Variants in AGO4 observed in about 807,000 individuals in gnomAD.
AGO4 encodes argonaute RISC component 4, also known as protein argonaute-4.
Under a neutral mutation model 104.7 loss-of-function variants are expected in AGO4, and 33 were observed. The ratio of observed to expected loss-of-function variants is 0.32; its 90% CI spans 0.24 to 0.42. AGO4 has a LOEUF of 0.42. Ranked by LOEUF, AGO4 falls within the 10% of genes least tolerant of loss-of-function variation. AGO4 has a pLI of 1.00. For synonymous variants in AGO4, 331 were observed against 364.7 expected (o/e 0.91, Z 1.05); for missense variants, 711 against 1,083.4 (o/e 0.66, Z 4.83).
At chr1:35,817,229 G>A (rs1643739821) in intron 2 of AGO4, among the ~76,000 whole-genome samples, 182 bp downstream of exon 2, 1 of 152,116 alleles carries the variant, frequency 6.6e-6, no homozygotes, top group Non-Finnish European at 1.5e-5. Context: ...CAAAGTGCTG[G>A]ATATATTATT....
chr1:35,841,759 A>G lies in AGO4; in HGVS notation c.2175+9A>G. 6.2e-7 allele frequency: 1 copy of G among 1,611,328 alleles called. No individual in the cohort carries two copies. The highest frequency in any genetic ancestry group is 8.5e-7 in the Non-Finnish European group (1 of 1,178,544). On this transcript the variant is annotated intron_variant, in intron 15 of 17. Transcript: ENST00000373210. This position sits in a 1 kb window ranked among gnomAD's most constrained non-coding sequence, Gnocchi z 4.7. ...CAGATAAAACAGAAAGGGTAAGAAG[A>G]TATAATATAAGCTTTGTTATCTGAG...
At chr1:35,825,574 T>C in intron 4 of AGO4, 80 bp downstream of exon 4, 1 of 1,546,358 alleles carries the variant, frequency 6.5e-7, no homozygotes, top group Non-Finnish European at 8.7e-7. Flanking sequence ...GAAAAATTTC[T>C]GCATAAGTCA....
chr1:35,817,275 G>T (rs575718456), intron 2 of AGO4, among the ~76,000 whole-genome samples: 1 of 152,250 alleles, frequency 6.6e-6, no homozygotes, highest in South Asian at 2.1e-4. Flanking sequence ...TTATGGAAAA[G>T]AAAGGTCGCT....
chr1:35,840,513 G>A (rs987490692), intron 13 of AGO4, among the ~76,000 whole-genome samples: 6 of 151,936 alleles, frequency 3.9e-5, no homozygotes, highest in African/African-American at 1.5e-4. Flanking sequence ...TGGCCAGGCT[G>A]GTCTCCAACT....
chr1:35,832,272 A>G, intron 10 of AGO4, 87 bp downstream of exon 10: 1 of 1,557,282 alleles, frequency 6.4e-7, no homozygotes, highest in Non-Finnish European at 8.6e-7. Flanking sequence ...GCCACTGCTG[A>G]ATTTACCCAT....
chr1:35,834,649 A>G (rs949082802), intron 12 of AGO4, among the ~76,000 whole-genome samples: 1 of 152,240 alleles, frequency 6.6e-6, no homozygotes, highest in Admixed American at 6.5e-5. Flanking sequence ...TATTATAAGA[A>G]GAATGATACA....
At chr1:35,823,583 G>A (rs1004284888) in intron 3 of AGO4, among the ~76,000 whole-genome samples, 3 of 152,062 alleles carry the variant, frequency 2.0e-5, no homozygotes, top group Admixed American at 6.6e-5. Flanking sequence ...GTGCCACCAC[G>A]CCCAGATCAT....
intron 17 of AGO4, among the ~76,000 whole-genome samples, chr1:35,852,445 G>C (rs1235055748): frequency 6.6e-6 from 1 of 152,182 alleles, no homozygotes; most frequent in African/African-American, 2.4e-5. Context: ...AAAGACCAAA[G>C]TTCAGAGGAG....
intron 13 of AGO4, among the ~76,000 whole-genome samples, chr1:35,837,742 G>A (rs1644348915): frequency 6.6e-6 from 1 of 151,960 alleles, no homozygotes; most frequent in African/African-American, 2.4e-5. Flanking sequence ...ATTGGGTTGT[G>A]AGTCTTTTTC....
chr1:35,834,073 A>C lies in AGO4; in HGVS notation c.1463A>C (p.Gln488Pro). The C allele has an allele frequency of 6.2e-7, 1 of 1,612,014 alleles. No individual in the cohort carries two copies. Reference sequence around the variant, plus strand: ...CAGCCATGTTTCTGCAAGTATGCACAAGGTGCAGACAGTGTGGAGCCTATG... The same window carrying C: ...CAGCCATGTTTCTGCAAGTATGCACCAGGTGCAGACAGTGTGGAGCCTATG... ...QGQPCFCKYA[Q>P]GADSVEPMFK... Residue 488 changes from glutamine (Q) to proline (P), a missense_variant, in exon 12 of 18, where the codon CAA becomes CCA. Coordinates refer to ENST00000373210, the MANE Select transcript of AGO4 (RefSeq NM_017629.4).
In AGO4 at chr1:35,835,873, C is replaced by T. The variant is rs1557569935; in HGVS notation, c.1604C>T (p.Ala535Val). The change falls in exon 13 of 18, where the codon GCC (alanine) becomes GTC (valine). Residue 535 changes from alanine to valine, a missense_variant. Physicochemically the swap from Ala to Val is moderately conservative, Grantham distance 64. This residue lies in a region of AGO4 where 401 missense variants were observed against 665.5 expected (regional missense o/e 0.60). Coordinates refer to ENST00000373210, the MANE Select transcript of AGO4 (RefSeq NM_017629.4). ...KRVGDTLLGM[A>V]TQCVQVKNVV... ...GTTGGAGATACCCTTCTAGGTATGG[C>T]CACACAGTGTGTCCAGGTAAAAAAT... 1 of 1,613,656 alleles carries T rather than the reference C, an allele frequency of 6.2e-7. No individual in the cohort carries two copies. The highest frequency in any genetic ancestry group is 2.2e-5 in the East Asian group (1 of 44,870).
At chr1:35,834,418 G>A (rs1644256968) in intron 12 of AGO4, among the ~76,000 whole-genome samples, 1 of 152,122 alleles carries the variant, frequency 6.6e-6, no homozygotes, top group African/African-American at 2.4e-5. Flanking sequence ...AATGTTGCTG[G>A]CCCCACATTC....
At chr1:35,851,863 TGA>T (rs1402362757) in intron 17 of AGO4, among the ~76,000 whole-genome samples, 1 of 152,220 alleles carries the variant, frequency 6.6e-6, no homozygotes, top group African/African-American at 2.4e-5. Context: ...ATTACTAAGA[TGA>T]GTAAGACATG....
At chr1:35,816,697 G>T (rs1321204179) in intron 1 of AGO4, among the ~76,000 whole-genome samples, 185 bp from the exon 2 acceptor site, 4 of 151,724 alleles carry the variant, frequency 2.6e-5, no homozygotes, top group Non-Finnish European at 2.9e-5. Flanking sequence ...TACTGGAGAG[G>T]CTGAGGCAGG....
At chr1:35,852,271 A>G (rs1437343852) in intron 17 of AGO4, among the ~76,000 whole-genome samples, 1 of 152,190 alleles carries the variant, frequency 6.6e-6, no homozygotes, top group Non-Finnish European at 1.5e-5. Flanking sequence ...ATGTCAGAGG[A>G]GAGGGTGAAG....
intron 15 of AGO4, among the ~76,000 whole-genome samples, chr1:35,845,021 A>T (rs747167012): frequency 6.6e-6 from 1 of 151,770 alleles, no homozygotes; most frequent in Non-Finnish European, 1.5e-5. Context: ...AGATTCCCAC[A>T]CTGACTTCTT....
intron 13 of AGO4, among the ~76,000 whole-genome samples, chr1:35,838,498 T>C (rs763931477): frequency 5.3e-5 from 8 of 152,234 alleles, no homozygotes; most frequent in Non-Finnish European, 8.8e-5. Context: ...ACAGTGGCTT[T>C]TGATGAACAG....
chr1:35,823,253 T>A (rs945554532), intron 3 of AGO4, among the ~76,000 whole-genome samples: 25 of 135,606 alleles, frequency 1.8e-4, no homozygotes, highest in African/African-American at 4.2e-4. Context: ...TTCTTAGAAA[T>A]TTTTTTTTTT....
intron 15 of AGO4, among the ~76,000 whole-genome samples, chr1:35,843,122 C>T (rs1441135480): frequency 2.0e-5 from 3 of 152,032 alleles, no homozygotes; most frequent in Non-Finnish European, 4.4e-5. Context: ...TGCAATGCAA[C>T]GGCACAATCT....
Sources: gnomAD v4.1 joint callset for allele counts (sites outside exome capture counted in the v4.1 genomes callset) on GRCh38, gnomAD v4.1.1 for gene constraint, gnomAD v4.1.1 regional missense constraint, Gnocchi (gnomAD v3.1) non-coding constraint, MANE v1.5 for transcripts, NCBI Gene and HGNC (gene_info 2026-07-23, HGNC 2026-07-21) for gene names.